REDIC1: variants seen among roughly 807,000 people sequenced by gnomAD.
REDIC1 encodes regulator of DNA class I crossover intermediates 1.
At chr12:39,750,496 T>G in the REDIC1 span, among the ~76,000 whole-genome samples, 3 of 152,164 alleles carry the variant, frequency 2.0e-5, no homozygotes, top group African/African-American at 7.2e-5. Flanking sequence ...CCAAGGTAAT[T>G]TATAGATTCA....
the REDIC1 span, chr12:39,643,709 T>C: frequency 2.6e-6 from 3 of 1,136,122 alleles, no homozygotes; most frequent in Non-Finnish European, 3.7e-6. Flanking sequence ...CATGATTGCT[T>C]TTTTATTATT....
the REDIC1 span, chr12:39,764,843 G>A: frequency 6.2e-7 from 1 of 1,611,736 alleles, no homozygotes; most frequent in Non-Finnish European, 8.5e-7. Flanking sequence ...TTTTGAACTT[G>A]GTTTCATTTT....
chr12:39,887,639 TC>T, the REDIC1 span, among the ~76,000 whole-genome samples: 8 of 152,330 alleles, frequency 5.3e-5, no homozygotes, highest in African/African-American at 1.4e-4. Context: ...TACAGCTTCT[TC>T]TATTCCAGTG....
the REDIC1 span, among the ~76,000 whole-genome samples, chr12:39,813,806 T>A: frequency 6.6e-6 from 1 of 152,270 alleles, no homozygotes; most frequent in South Asian, 2.1e-4. Flanking sequence ...AAAATAGCAA[T>A]TAAAAAGATG....
chr12:39,749,301 A>G, the REDIC1 span, among the ~76,000 whole-genome samples: 1 of 152,212 alleles, frequency 6.6e-6, no homozygotes, highest in Non-Finnish European at 1.5e-5. Flanking sequence ...CCTCTACACA[A>G]ATAAACTAGA....
the REDIC1 span, among the ~76,000 whole-genome samples, chr12:39,859,794 G>A: frequency 6.6e-6 from 1 of 152,092 alleles, no homozygotes; most frequent in Non-Finnish European, 1.5e-5. Flanking sequence ...CCAAAGTGCT[G>A]GGATTACACG....
At chr12:39,728,780 C>CTT in the REDIC1 span, among the ~76,000 whole-genome samples, 14,978 of 91,966 alleles carry the variant, frequency 0.16, 2,376 homozygotes, top group African/African-American at 0.28. Context: ...TGGTCCTGGG[C>CTT]TTTTTTTTTT....
At chr12:39,685,050 ACT>A in the REDIC1 span, 1 of 591,590 alleles carries the variant, frequency 1.7e-6, no homozygotes, top group Non-Finnish European at 2.7e-6. Context: ...TATTGGATGG[ACT>A]CTTTTTCTTA....
the REDIC1 span, chr12:39,626,327 A>G: frequency 1.9e-6 from 3 of 1,614,006 alleles, no homozygotes; most frequent in Non-Finnish European, 2.5e-6. Flanking sequence ...GTGTCAAAAG[A>G]TTTGGGAAGA....
the REDIC1 span, among the ~76,000 whole-genome samples, chr12:39,734,518 T>C: frequency 6.6e-6 from 1 of 152,234 alleles, no homozygotes; most frequent in South Asian, 2.1e-4. Context: ...TTAGTTCTTA[T>C]ATTTGGGTCT....
chr12:39,855,890 C>G, the REDIC1 span, among the ~76,000 whole-genome samples: 1 of 152,148 alleles, frequency 6.6e-6, no homozygotes, highest in Non-Finnish European at 1.5e-5. Flanking sequence ...TAGGAAAACA[C>G]TATCTTATTA....
the REDIC1 span, among the ~76,000 whole-genome samples, chr12:39,748,938 A>C: frequency 1.6e-4 from 24 of 152,292 alleles, no homozygotes; most frequent in Admixed American, 2.0e-4. Context: ...AGGGAAATTT[A>C]TAGCACTAAA....
At chr12:39,659,822 A>G in the REDIC1 span, among the ~76,000 whole-genome samples, 1 of 152,092 alleles carries the variant, frequency 6.6e-6, no homozygotes. Flanking sequence ...TCTATACATT[A>G]TGAATTTTTA....
At chr12:39,635,289 C>T in the REDIC1 span, among the ~76,000 whole-genome samples, 1 of 152,140 alleles carries the variant, frequency 6.6e-6, no homozygotes, top group East Asian at 1.9e-4. Flanking sequence ...AATCCCATTA[C>T]TGGGCATATA....
the REDIC1 span, among the ~76,000 whole-genome samples, chr12:39,744,462 TATA>T: frequency 6.6e-6 from 1 of 152,228 alleles, no homozygotes; most frequent in Non-Finnish European, 1.5e-5. Flanking sequence ...AAATAACAGT[TATA>T]ATAATAGCCA....
At chr12:39,696,198 A>T in the REDIC1 span, among the ~76,000 whole-genome samples, 1 of 152,066 alleles carries the variant, frequency 6.6e-6, no homozygotes, top group African/African-American at 2.4e-5. Flanking sequence ...ACAAACAAAC[A>T]TCTACAAGCA....
At chr12:39,662,276 A>T in the REDIC1 span, among the ~76,000 whole-genome samples, 1 of 151,298 alleles carries the variant, frequency 6.6e-6, no homozygotes, top group Non-Finnish European at 1.5e-5. Flanking sequence ...GGAGCATTGG[A>T]TGTCTTTCCA....
At chr12:39,869,737 A>G in the REDIC1 span, among the ~76,000 whole-genome samples, 2 of 152,222 alleles carry the variant, frequency 1.3e-5, no homozygotes, top group Non-Finnish European at 2.9e-5. Flanking sequence ...GAAACATGAC[A>G]TAGGCCAGAA....
the REDIC1 span, among the ~76,000 whole-genome samples, chr12:39,885,391 T>C: frequency 6.6e-6 from 1 of 152,104 alleles, no homozygotes; most frequent in Non-Finnish European, 1.5e-5. Context: ...CTTTATTCAG[T>C]CATCTAACAT....
Sources: allele counts gnomAD v4.1 joint callset (sites outside exome capture counted in the v4.1 genomes callset), GRCh38; gene constraint gnomAD v4.1.1; transcripts MANE v1.5; gene names NCBI Gene and HGNC (gene_info 2026-07-23, HGNC 2026-07-21).